USP48: variants seen among roughly 807,000 people sequenced by gnomAD.
USP48 encodes the protein ubiquitin carboxyl-terminal hydrolase 48.
USP48 carries 43 observed loss-of-function variants against 150.7 expected under a neutral mutation model. That is an observed-to-expected ratio of 0.29 (90% CI 0.22 to 0.37). The LOEUF (loss-of-function observed/expected upper bound fraction) is 0.37, where lower values mean the gene tolerates loss of function less well. Ranked by LOEUF, USP48 falls within the 10% of genes least tolerant of loss-of-function variation. The probability of loss-of-function intolerance (pLI) is 1.00; values close to 1 mark genes in which losing one functional copy is unlikely to be tolerated. For synonymous variants in USP48, 396 were observed against 425.9 expected (o/e 0.93, Z 0.86); for missense variants, 813 against 1,249.6 (o/e 0.65, Z 5.27).
chr1:21,770,937 A>C (rs975172166), intron 1 of USP48, among the ~76,000 whole-genome samples: 3 of 151,802 alleles, frequency 2.0e-5, no homozygotes, highest in African/African-American at 7.3e-5. Context: ...AGCCTGGCCA[A>C]GATGGTGAAA....
chr1:21,780,384 G>A (rs935558856), intron 1 of USP48, among the ~76,000 whole-genome samples: 6 of 152,104 alleles, frequency 3.9e-5, no homozygotes, highest in African/African-American at 1.4e-4. Context: ...CAGTTGCCAG[G>A]GGCTGGGCGA....
chr1:21,738,567 A>G (rs1368329864), intron 8 of USP48, among the ~76,000 whole-genome samples: 1 of 150,978 alleles, frequency 6.6e-6, no homozygotes, highest in Admixed American at 6.6e-5. Flanking sequence ...CACGTTGGCC[A>G]AGCTGGTCTC....
chr1:21,698,138 T>G (rs903823790), intron 22 of USP48, among the ~76,000 whole-genome samples: 1 of 152,150 alleles, frequency 6.6e-6, no homozygotes, highest in African/African-American at 2.4e-5. Flanking sequence ...ATCTTTGTAC[T>G]GAGATATGTG....
chr1:21,681,224 A>G (rs1036392874), intron 25 of USP48: 8 of 161,294 alleles, frequency 5.0e-5, no homozygotes, highest in Non-Finnish European at 1.3e-5. Flanking sequence ...TTCTTCTGGT[A>G]TTTAGCCTAT....
chr1:21,753,358 C>T (rs2097821797), intron 3 of USP48, among the ~76,000 whole-genome samples: 1 of 151,474 alleles, frequency 6.6e-6, no homozygotes, highest in Non-Finnish European at 1.5e-5. Flanking sequence ...TTGAGACAAG[C>T]CTGGCCAATA....
At chr1:21,740,632 C>G (rs112008313) in intron 8 of USP48, among the ~76,000 whole-genome samples, 12 of 152,096 alleles carry the variant, frequency 7.9e-5, no homozygotes, top group African/African-American at 2.7e-4. Flanking sequence ...TGAGTACCAT[C>G]AAAACACACA....
chr1:21,738,809 C>A lies in USP48; in HGVS notation c.992-2184G>T, dbSNP rs74870104. On this transcript the variant is annotated intron_variant, in intron 8 of 26. Transcript: ENST00000308271. ...AGACAAACAGTAAACATACTGGACA[C>A]GGTTTCAGGCATGAAGGATACAGCA... Among the ~76,000 whole-genome samples the A allele has an allele frequency of 3.3e-3, 508 of 152,132 alleles. 11 individuals carry two copies. In the East Asian group the frequency reaches 0.074, roughly 22 times the overall value.
Position 21,721,873 on chromosome 1 carries a change from C to G in USP48, c.1649-109G>C, listed in dbSNP as rs750018920. The G allele has an allele frequency of 1.2e-5, 8 of 695,326 alleles. 1 individual carries two copies. In the Admixed American group the frequency reaches 2.9e-4, roughly 26 times the overall value. The allele number at this position is 695,326 out of a possible 1,614,324, so 43.1% of individuals were successfully genotyped here. On this transcript the variant is annotated intron_variant, in intron 12 of 26. Coordinates refer to ENST00000308271, the MANE Select transcript of USP48 (RefSeq NM_032236.8). ...ACAGACACATTCTAAACCAAAGTCA[C>G]AAATGTTGGCAATATGGCAAATTGG...
rs925426276 is a variant in USP48, at chr1:21,751,442, T to C, written c.774+65A>G. ...CTCTAGCCACTAAATCAAAACAGAA[T>C]AGCATTCAGAACAGCATTTAACTGT... On this transcript the variant is annotated intron_variant, in intron 6 of 26. Coordinates refer to ENST00000308271, the MANE Select transcript of USP48 (RefSeq NM_032236.8). The C allele has an allele frequency of 4.1e-6, 5 of 1,214,334 alleles. No homozygotes were observed. The Admixed American group carries it at 5.2e-5, about 13-fold the overall frequency. 75.2% of individuals were successfully genotyped at this position (1,214,334 alleles called of 1,614,324 possible).
chr1:21,761,937 T>C (rs777259578), intron 1 of USP48, among the ~76,000 whole-genome samples: 6 of 152,138 alleles, frequency 3.9e-5, no homozygotes, highest in Admixed American at 6.5e-5. Context: ...TTATAACTCA[T>C]CTCTAATGGG....
At chr1:21,708,900 A>G (rs887445812) in intron 15 of USP48, among the ~76,000 whole-genome samples, 4 of 58,984 alleles carry the variant, frequency 6.8e-5, no homozygotes, top group Non-Finnish European at 2.1e-4. Context: ...AAAAAAAAAA[A>G]AAGAAAGAAA....
In USP48 at chr1:21,704,671, A is replaced by G. The variant is rs576421879; in HGVS notation, c.2385-279T>C. The G allele has an allele frequency of 1.8e-4, 47 of 266,948 alleles. No individual in the cohort carries two copies. In the East Asian group the frequency reaches 3.4e-3, roughly 20 times the overall value. 16.5% of individuals were successfully genotyped at this position (266,948 alleles called of 1,614,324 possible). A position where few individuals can be genotyped will look rare whatever the true frequency, so the allele number is the denominator to read the frequency against. On this transcript the variant is annotated intron_variant, in intron 19 of 26. Coordinates refer to ENST00000308271, the MANE Select transcript of USP48 (RefSeq NM_032236.8). ...TTAGTTGCAGAAGTATAAATACAGTATGGTGCCATTTATATAAAAAGTTTT... is the reference window on the plus strand; with the variant it reads ...TTAGTTGCAGAAGTATAAATACAGTGTGGTGCCATTTATATAAAAAGTTTT...
At chr1:21,730,189 A>T (rs1487280162) in intron 9 of USP48, among the ~76,000 whole-genome samples, 1 of 152,128 alleles carries the variant, frequency 6.6e-6, no homozygotes, top group Non-Finnish European at 1.5e-5. Flanking sequence ...GCTTGTAATC[A>T]TAGCACTCTA....
Position 21,703,713 on chromosome 1 carries a change from A to G in USP48, c.2516-95T>C. On this transcript the variant is annotated intron_variant, in intron 20 of 26. Coordinates refer to ENST00000308271, the MANE Select transcript of USP48 (RefSeq NM_032236.8). Reference sequence around the variant, plus strand: ...AAAACATATGTCAAAGTTACTAGTGAATATTCATTAAACTCTTAGTAACAT... The same window carrying G: ...AAAACATATGTCAAAGTTACTAGTGGATATTCATTAAACTCTTAGTAACAT... The G allele has an allele frequency of 7.5e-6, 7 of 939,114 alleles. No individual in the cohort carries two copies. In the South Asian group the frequency reaches 1.0e-4, roughly 14 times the overall value. The allele number at this position is 939,114 out of a possible 1,614,324, so 58.2% of individuals were successfully genotyped here.
At chr1:21,697,896 T>C (rs1183857058) in intron 22 of USP48, among the ~76,000 whole-genome samples, 1 of 152,044 alleles carries the variant, frequency 6.6e-6, no homozygotes, top group African/African-American at 2.4e-5. Context: ...AGAATTTAAA[T>C]CCAACTTAAC....
chr1:21,723,926 A>G lies in USP48; in HGVS notation c.1620T>C (p.Ser540=), dbSNP rs1310697370. The G allele has an allele frequency of 6.2e-7, 1 of 1,614,108 alleles. No individual in the cohort carries two copies. Among genetic ancestry groups the G allele is most frequent in the Non-Finnish European group, 8.5e-7 (1 of 1,180,004 alleles). The change falls in exon 12 of 27, where the codon AGT becomes AGC. Residue 540 remains serine (S), a synonymous_variant. Coordinates refer to ENST00000308271, the MANE Select transcript of USP48 (RefSeq NM_032236.8). ...ISEYAADIFY[S]RYGGGPRLTV... ...TTAGTCTTGGACCTCCTCCATATCT[A>G]CTATAGAAAATGTCAGCTGCATATT...
At chr1:21,689,217 C>CT (rs11403689) in intron 24 of USP48, among the ~76,000 whole-genome samples, 27,551 of 133,128 alleles carry the variant, frequency 0.21, 2,708 homozygotes, top group Non-Finnish European at 0.24. Context: ...CCATTTTTTG[C>CT]TTTTTTTTTT....
chr1:21,771,154 A>C (rs558614265), intron 1 of USP48, among the ~76,000 whole-genome samples: 3 of 152,088 alleles, frequency 2.0e-5, no homozygotes, highest in African/African-American at 7.2e-5. Flanking sequence ...ATAATTTTTT[A>C]AGTAAATTTT....
At chr1:21,738,649 C>T (rs972783355) in intron 8 of USP48, among the ~76,000 whole-genome samples, 2 of 151,924 alleles carry the variant, frequency 1.3e-5, no homozygotes, top group African/African-American at 2.4e-5. Flanking sequence ...TGAGCCACCA[C>T]GCCCGGCCCA....
Sources: gnomAD v4.1 joint callset for allele counts (sites outside exome capture counted in the v4.1 genomes callset) on GRCh38, gnomAD v4.1.1 for gene constraint, MANE v1.5 for transcripts, NCBI Gene and HGNC (gene_info 2026-07-23, HGNC 2026-07-21) for gene names.